Variants in VWF observed in about 807,000 individuals in gnomAD.
VWF encodes Factor VIII related antigen.
A neutral mutation model predicts 308.6 loss-of-function variants in VWF; 176 were observed. That is an observed-to-expected ratio of 0.57 (90% CI 0.50 to 0.65). The LOEUF (loss-of-function observed/expected upper bound fraction) is 0.65. VWF is among the 30% of genes least tolerant of loss of function. The probability of loss-of-function intolerance (pLI) is 0.00; values close to 1 mark genes in which losing one functional copy is unlikely to be tolerated. For synonymous variants in VWF, 1,385 were observed against 1,443.4 expected (o/e 0.96, Z 0.92); for missense variants, 3,146 against 3,648.2 (o/e 0.86, Z 3.55).
chr12:6,039,585 T>C (rs1350372714), intron 18 of VWF, among the ~76,000 whole-genome samples: 1 of 152,210 alleles, frequency 6.6e-6, no homozygotes, highest in Non-Finnish European at 1.5e-5. Context: ...AGGTTCCGCT[T>C]TTTTTAAACC....
chr12:5,994,110 T>C lies in VWF; in HGVS notation c.6350A>G (p.Gln2117Arg), dbSNP rs1279236701. The C allele has an allele frequency of 6.2e-7, 1 of 1,614,230 alleles. No individual in the cohort carries two copies. The highest frequency in any genetic ancestry group is 1.7e-5 in the Admixed American group (1 of 60,032). ...WKTLVQEWTV[Q>R]RPGQTCQPIL... ...GGGCTGGCACGTCTGCCCTGGCCGC[T>C]GCACAGTCCATTCCTGAACAAGTGT... The change falls in exon 37 of 52, where the codon CAG becomes CGG. Residue 2117 changes from glutamine to arginine, a missense_variant. Transcript: ENST00000261405.
Position 6,025,658 on chromosome 12 carries a change from G to A in VWF, c.3144C>T (p.Asn1048=), listed in dbSNP as rs201874365. The part of the protein sequence containing the change: ...PLDSSPATCH[N]NIMKQTMVDS... ...CCACCATCGTCTGCTTCATGATGTT[G>A]TTATGGCAGGTGGCAGGGGATGAGT... Residue 1048 remains asparagine, a synonymous_variant, in exon 24 of 52, where the codon AAC becomes AAT. Coordinates refer to ENST00000261405, the MANE Select transcript of VWF (RefSeq NM_000552.5). 4.2e-5 allele frequency: 66 copies of A among 1,572,746 alleles called. No homozygotes were observed. The Middle Eastern group carries it at 5.6e-4, about 13-fold the overall frequency.
In VWF at chr12:6,034,836, G is replaced by A; in HGVS notation, c.2547-10C>T. 1 of 1,613,812 alleles carries A rather than the reference G, an allele frequency of 6.2e-7. No individual in the cohort carries two copies. Among genetic ancestry groups the A allele is most frequent in the Non-Finnish European group, 8.5e-7 (1 of 1,179,678 alleles). On this transcript the variant is annotated splice_polypyrimidine_tract_variant and intron_variant, in intron 19 of 51. Coordinates refer to ENST00000261405, the MANE Select transcript of VWF (RefSeq NM_000552.5). ...CCGGTCCTGACAGACACTAGGAGCA[G>A]TCATGGCAGAGATGACAAGTTGGGC...
intron 7 of VWF, among the ~76,000 whole-genome samples, 155 bp from the exon 8 acceptor site, chr12:6,073,896 C>T (rs1406998794): frequency 2.6e-5 from 4 of 152,080 alleles, no homozygotes; most frequent in African/African-American, 9.7e-5. Context: ...GAGCCACGTG[C>T]CCCCCTGAGG....
At chr12:5,983,977 T>TAGAC (rs1565819071) in intron 40 of VWF, among the ~76,000 whole-genome samples, 5 of 101,948 alleles carry the variant, frequency 4.9e-5, no homozygotes, top group African/African-American at 1.8e-4. Context: ...GATAGATGGA[T>TAGAC]AGATAGATAG....
intron 47 of VWF, among the ~76,000 whole-genome samples, chr12:5,962,636 G>C (rs1319683054): frequency 5.5e-5 from 5 of 90,664 alleles, no homozygotes; most frequent in African/African-American, 9.3e-5. Flanking sequence ...TCTGCCCCCT[G>C]GGTTCAAGTG....
chr12:5,990,095 C>T (rs1001548802), intron 38 of VWF, among the ~76,000 whole-genome samples: 12 of 152,176 alleles, frequency 7.9e-5, no homozygotes, highest in South Asian at 2.1e-4. Flanking sequence ...ATCTATTCCA[C>T]GGTGAGGACA....
chr12:5,964,757 G>A (rs1448478369), intron 47 of VWF, among the ~76,000 whole-genome samples: 2 of 152,196 alleles, frequency 1.3e-5, no homozygotes, highest in African/African-American at 2.4e-5. Flanking sequence ...CAGTCAGGGA[G>A]GCAAAATCCC....
At chr12:5,961,589 CA>C (rs71445686) in intron 47 of VWF, among the ~76,000 whole-genome samples, 34,243 of 124,622 alleles carry the variant, frequency 0.27, 4,114 homozygotes, top group South Asian at 0.35. Flanking sequence ...TCTGCCCCCT[CA>C]AAAAAAAAAA....
chr12:6,057,222 C>A, intron 14 of VWF, 150 bp from the exon 15 acceptor site: 1 of 673,096 alleles, frequency 1.5e-6, no homozygotes, highest in Non-Finnish European at 2.4e-6. Context: ...CCCCCACCCC[C>A]AAGTCCATTT....
At chr12:6,097,319 C>A (rs1308354510) in intron 5 of VWF, among the ~76,000 whole-genome samples, 1 of 152,108 alleles carries the variant, frequency 6.6e-6, no homozygotes, top group South Asian at 2.1e-4. Context: ...TGCCTGTAAT[C>A]CCAGTTACTC....
At chr12:6,056,465 CT>C (rs1288654270) in intron 15 of VWF, among the ~76,000 whole-genome samples, 1 of 152,116 alleles carries the variant, frequency 6.6e-6, no homozygotes, top group Non-Finnish European at 1.5e-5. Context: ...TTTCCCTTGC[CT>C]TCATCGGACT....
intron 42 of VWF, among the ~76,000 whole-genome samples, chr12:5,980,158 T>TGAGGGAGGGAGG (rs1173781906): frequency 4.1e-5 from 1 of 24,456 alleles, no homozygotes; most frequent in African/African-American, 1.4e-4. Context: ...AGGGAGGGAG[T>TGAGGGAGGGAGG]GAGGGAGGGA....
intron 6 of VWF, among the ~76,000 whole-genome samples, chr12:6,088,324 A>G (rs532825306): frequency 1.1e-4 from 16 of 152,182 alleles, no homozygotes; most frequent in Non-Finnish European, 1.6e-4. Context: ...TAAAAAATAT[A>G]AAGAATTAAC....
rs1944790866 is a variant in VWF, at chr12:6,072,371, A to T, written c.1069T>A (p.Tyr357Asn). 1 of 1,614,086 alleles carries T rather than the reference A, an allele frequency of 6.2e-7. No individual in the cohort carries two copies. Among genetic ancestry groups the T allele is most frequent in the African/African-American group, 1.3e-5 (1 of 75,018 alleles). Reference sequence around the variant, plus strand: ...CGAGAGAGGGAGGTGCCGGGAGGGTAGCGCTTTCCGGAATGCACGCAGGGA... The same window carrying T: ...CGAGAGAGGGAGGTGCCGGGAGGGTTGCGCTTTCCGGAATGCACGCAGGGA... ...ECPCVHSGKR[Y>N]PPGTSLSRDC... is the part of the protein sequence containing the mutation. Residue 357 changes from tyrosine (Y) to asparagine (N), a missense_variant, in exon 9 of 52, where the codon TAC becomes AAC. Around this residue, in one of 3 missense-constraint regions of VWF, gnomAD observed 1,304 missense variants for 1,353.0 expected, o/e 0.96. Coordinates refer to ENST00000261405, the MANE Select transcript of VWF (RefSeq NM_000552.5).
intron 21 of VWF, among the ~76,000 whole-genome samples, chr12:6,029,991 G>A (rs1452572673): frequency 6.6e-6 from 1 of 152,160 alleles, no homozygotes; most frequent in Non-Finnish European, 1.5e-5. Context: ...AGGAAACTGA[G>A]GTGCTCAGTG....
chr12:6,060,961 G>A lies in VWF; in HGVS notation c.1533+1993C>T, dbSNP rs1039511684. Among the ~76,000 whole-genome samples, 1 of 152,230 alleles carries A rather than the reference G, an allele frequency of 6.6e-6. No homozygotes were observed. The highest frequency in any genetic ancestry group is 1.5e-5 in the Non-Finnish European group (1 of 68,048). ...CATGCCCGTAATCCCAGCACTTTGGGAGGCTGAGGAGGGTGGATCATTTGA... is the reference window on the plus strand; with the variant it reads ...CATGCCCGTAATCCCAGCACTTTGGAAGGCTGAGGAGGGTGGATCATTTGA... On this transcript the variant is annotated intron_variant, in intron 13 of 51. Coordinates refer to ENST00000261405, the MANE Select transcript of VWF (RefSeq NM_000552.5). The surrounding 1 kb of genome is among the most constrained non-coding windows in gnomAD (Gnocchi z 5.1).
intron 44 of VWF, 123 bp downstream of exon 44, chr12:5,971,476 C>A: frequency 1.2e-6 from 1 of 801,640 alleles, no homozygotes; most frequent in Non-Finnish European, 2.1e-6. Context: ...ATAACACCAA[C>A]AGCTGGGTGA....
intron 42 of VWF, among the ~76,000 whole-genome samples, chr12:5,981,064 A>G (rs566931942): frequency 1.3e-5 from 2 of 152,348 alleles, no homozygotes; most frequent in East Asian, 3.9e-4. Flanking sequence ...ATATACTAAC[A>G]AGGGCATACA....
Sources: gnomAD v4.1 joint callset for allele counts (sites outside exome capture counted in the v4.1 genomes callset) on GRCh38, gnomAD v4.1.1 for gene constraint, gnomAD v4.1.1 regional missense constraint, Gnocchi (gnomAD v3.1) non-coding constraint, MANE v1.5 for transcripts, NCBI Gene and HGNC (gene_info 2026-07-23, HGNC 2026-07-21) for gene names.